Variants in PIKFYVE observed in about 807,000 individuals in gnomAD.
The protein encoded by PIKFYVE is phosphoinositide kinase, FYVE-type zinc finger containing, also known as 1-phosphatidylinositol 3-phosphate 5-kinase.
A neutral mutation model predicts 257.9 loss-of-function variants in PIKFYVE; 122 were observed. The ratio of observed to expected loss-of-function variants is 0.47; its 90% CI spans 0.41 to 0.55. The LOEUF (loss-of-function observed/expected upper bound fraction) is 0.55, where lower values mean the gene tolerates loss of function less well. Among genes scored for constraint, PIKFYVE ranks in the 20% least tolerant of loss-of-function variants. PIKFYVE has a pLI of 0.00. For missense variants in PIKFYVE, 2,160 were observed against 2,536.6 expected (o/e 0.85, Z 3.19); for synonymous variants, 892 against 868.9 (o/e 1.03, Z -0.47).
intron 39 of PIKFYVE, 151 bp downstream of exon 39, chr2:208,352,933 C>A: frequency 1.0e-6 from 1 of 958,308 alleles, no homozygotes; most frequent in South Asian, 1.4e-5. Flanking sequence ...ACTTGCTCAG[C>A]CTTGGAGAAA....
intron 21 of PIKFYVE, among the ~76,000 whole-genome samples, chr2:208,329,303 CTT>C (rs1451262727): frequency 6.6e-6 from 1 of 152,122 alleles, no homozygotes; most frequent in Non-Finnish European, 1.5e-5. Context: ...AGCAGGAAGA[CTT>C]GGGAGTGGCA....
At chr2:208,346,324 G>A (rs1387503662) in intron 34 of PIKFYVE, among the ~76,000 whole-genome samples, 177 bp downstream of exon 34, 1 of 152,024 alleles carries the variant, frequency 6.6e-6, no homozygotes, top group African/African-American at 2.4e-5. Flanking sequence ...GCTTTTCTTC[G>A]TTGATTCTTG....
intron 23 of PIKFYVE, among the ~76,000 whole-genome samples, chr2:208,332,717 C>G (rs1174831687): frequency 6.6e-6 from 1 of 151,908 alleles, no homozygotes; most frequent in Non-Finnish European, 1.5e-5. Context: ...TACAAATATA[C>G]TGGCTGTGTG....
intron 1 of PIKFYVE, chr2:208,269,978 C>A: frequency 4.6e-6 from 1 of 218,140 alleles, no homozygotes; most frequent in East Asian, 1.2e-4. Context: ...GGCCAAAGGA[C>A]AGTGTGCGGA....
chr2:208,325,340 A>C lies in PIKFYVE; in HGVS notation c.2529A>C (p.Gly843=). 6.2e-7 allele frequency: 1 copy of C among 1,614,094 alleles called. No homozygotes were observed. Among genetic ancestry groups the C allele is most frequent in the Non-Finnish European group, 8.5e-7 (1 of 1,179,996 alleles). ...TAGGCTGTACAATCAAGCTAAGAGGAGGCTCTGATTATGAGCTGGCTCGAG... is the reference window on the plus strand; with the variant it reads ...TAGGCTGTACAATCAAGCTAAGAGGCGGCTCTGATTATGAGCTGGCTCGAG... ...QHLGCTIKLR[G]GSDYELARVK... The change falls in exon 20 of 42, where the codon GGA becomes GGC. Residue 843 remains glycine, a synonymous_variant. Coordinates refer to ENST00000264380, the MANE Select transcript of PIKFYVE (RefSeq NM_015040.4).
chr2:208,274,207 G>A (rs904068096), intron 3 of PIKFYVE, among the ~76,000 whole-genome samples: 1 of 152,174 alleles, frequency 6.6e-6, no homozygotes, highest in Admixed American at 6.5e-5. Flanking sequence ...CAAACTGTCA[G>A]TGTGGCTGAA....
rs566763831 is a variant in PIKFYVE at position 208,307,352 on chromosome 2, T to C, written c.1636+2339T>C. ...TCCTCCCCGCTCTTTAGACTAACTT[T>C]ATCAGGAAAGAATACACATGGTTAA... is the stretch of plus-strand genomic sequence containing the variant. On this transcript the variant is annotated intron_variant, in intron 12 of 41. Transcript: ENST00000264380. 3.3e-5 allele frequency among the ~76,000 whole-genome samples: 5 copies of C among 152,334 alleles called. No homozygotes were observed. The South Asian group carries it at 1.0e-3, about 32-fold the overall frequency.
In PIKFYVE at chr2:208,317,875, T is replaced by G. The variant is rs148810695; in HGVS notation, c.2016T>G (p.Gly672=). ...CTTAATTGTTCCATTAGATCCCAGG[T>G]GGAAAGAAGTTTGATTCTGTGGTTG... ...RQFVHIKKIP[G]GKKFDSVVVN... The change falls in exon 16 of 42, where the codon GGT becomes GGG. Residue 672 remains glycine, a synonymous_variant. Coordinates refer to ENST00000264380, the MANE Select transcript of PIKFYVE (RefSeq NM_015040.4). The G allele has an allele frequency of 1.8e-4, 288 of 1,612,624 alleles. No homozygotes were observed. The highest frequency in any genetic ancestry group is 2.1e-4 in the Non-Finnish European group (246 of 1,178,748).
chr2:208,300,857 C>T (rs1693595370), intron 8 of PIKFYVE, 80 bp from the exon 9 acceptor site: 7 of 1,571,938 alleles, frequency 4.5e-6, no homozygotes, highest in Non-Finnish European at 6.1e-6. Flanking sequence ...TTTTATGAGT[C>T]TAAAAATCAC....
chr2:208,328,772 A>G (rs1185404327), intron 21 of PIKFYVE, among the ~76,000 whole-genome samples: 1 of 152,194 alleles, frequency 6.6e-6, no homozygotes, highest in Non-Finnish European at 1.5e-5. Context: ...ACCACCAGAA[A>G]GCAAAGGTTT....
intron 17 of PIKFYVE, among the ~76,000 whole-genome samples, chr2:208,322,703 T>TATATA (rs1553519215): frequency 8.7e-5 from 13 of 150,174 alleles, no homozygotes; most frequent in African/African-American, 2.9e-4. Flanking sequence ...ATATATATAT[T>TATATA]TTTTTTATTA....
intron 34 of PIKFYVE, 112 bp downstream of exon 34, chr2:208,346,259 T>A: frequency 1.2e-6 from 1 of 847,112 alleles, no homozygotes; most frequent in Non-Finnish European, 1.9e-6. Context: ...TTACTACTTA[T>A]GATCTCTGAA....
intron 31 of PIKFYVE, among the ~76,000 whole-genome samples, chr2:208,341,621 C>T (rs1698710232): frequency 6.6e-6 from 1 of 152,014 alleles, no homozygotes; most frequent in South Asian, 2.1e-4. Flanking sequence ...TGGCAAGGGT[C>T]CTCTTTTGGG....
rs1559139519 is a variant in PIKFYVE at position 208,330,035 on chromosome 2, A to ACT, written c.3791+122_3791+123insCT. The stretch of plus-strand genomic sequence containing the variant: ...TACATGATCCTCACTTTCATAGTGC[A>ACT]TATCAGAGTATATCATTCAAAGAAG... On this transcript the variant is annotated intron_variant, in intron 22 of 41. Transcript: ENST00000264380. 6 of 1,253,790 alleles carry ACT rather than the reference A, an allele frequency of 4.8e-6. No homozygotes were observed. The African/African-American group carries it at 7.5e-5, about 16-fold the overall frequency. The allele number at this position is 1,253,790 out of a possible 1,614,324, so 77.7% of individuals were successfully genotyped here. A position where few individuals can be genotyped will look rare whatever the true frequency, so the allele number is the denominator to read the frequency against.
Position 208,300,984 on chromosome 2 carries a change from C to T in PIKFYVE, c.1098C>T (p.Ser366=), listed in dbSNP as rs1259089660. ...TGTGGAAAAAAATCTGCCATCACAGCAGTGGAATGGAGTTTCAGGATCACC... is the reference window on the plus strand; with the variant it reads ...TGTGGAAAAAAATCTGCCATCACAGTAGTGGAATGGAGTTTCAGGATCACC... ...KDLWKKICHH[S]SGMEFQDHRY... is the part of the protein sequence containing the mutation. Residue 366 remains serine (S), a synonymous_variant, in exon 9 of 42, where the codon AGC becomes AGT. Transcript: ENST00000264380. 1 of 1,614,120 alleles carries T rather than the reference C, an allele frequency of 6.2e-7. No individual in the cohort carries two copies. The highest frequency in any genetic ancestry group is 8.5e-7 in the Non-Finnish European group (1 of 1,180,000).
rs573037812 is a variant in PIKFYVE at position 208,351,264 on chromosome 2, C to A, written c.5612-88C>A. 5.3e-6 allele frequency: 6 copies of A among 1,123,364 alleles called. No individual in the cohort carries two copies. The African/African-American group carries it at 7.7e-5, about 14-fold the overall frequency. The allele number at this position is 1,123,364 out of a possible 1,614,324, so 69.6% of individuals were successfully genotyped here. A position where few individuals can be genotyped will look rare whatever the true frequency, so the allele number is the denominator to read the frequency against. On this transcript the variant is annotated intron_variant, in intron 37 of 41. Coordinates refer to ENST00000264380, the MANE Select transcript of PIKFYVE (RefSeq NM_015040.4). ...AATTCCCCTTAAAATCATAAAACAA[C>A]CTAATCATTTAGGATCTTTGGAATG...
intron 41 of PIKFYVE, 135 bp from the exon 42 acceptor site, chr2:208,355,055 C>T (rs1700079186): frequency 1.3e-6 from 1 of 742,810 alleles, no homozygotes; most frequent in Non-Finnish European, 2.4e-6. Flanking sequence ...AACAGATAAC[C>T]TTTCCTGCCC....
intron 36 of PIKFYVE, among the ~76,000 whole-genome samples, 191 bp from the exon 37 acceptor site, chr2:208,350,580 T>C (rs988582854): frequency 2.6e-5 from 4 of 152,170 alleles, no homozygotes; most frequent in Admixed American, 2.0e-4. Flanking sequence ...GGTCATACGA[T>C]GTTCTTTAAT....
intron 1 of PIKFYVE, among the ~76,000 whole-genome samples, chr2:208,270,326 G>GC (rs1359659520): frequency 6.6e-6 from 1 of 152,068 alleles, no homozygotes; most frequent in East Asian, 1.9e-4. Flanking sequence ...ATAGGTGTGA[G>GC]CCACCGTGCC....
Sources: allele counts gnomAD v4.1 joint callset (sites outside exome capture counted in the v4.1 genomes callset), GRCh38; gene constraint gnomAD v4.1.1; transcripts MANE v1.5; gene names NCBI Gene and HGNC (gene_info 2026-07-23, HGNC 2026-07-21).